Variants in TCP11L2 observed in about 807,000 individuals in gnomAD.
TCP11L2 encodes the protein T-complex protein 11-like protein 2.
In TCP11L2, 39 loss-of-function variants were observed where a neutral mutation model predicts 50.7. That is an observed-to-expected ratio of 0.77 (90% CI 0.60 to 1.01). The LOEUF (loss-of-function observed/expected upper bound fraction) is 1.01. TCP11L2 is among the 50% of genes least tolerant of loss of function. The pLI, the probability that TCP11L2 is intolerant of heterozygous loss-of-function variation, is 0.00. For synonymous variants in TCP11L2, 192 were observed against 219.3 expected (o/e 0.88, Z 1.10); for missense variants, 612 against 614.7 (o/e 1.00, Z 0.05).
chr12:106,320,329 C>T (rs762445485), intron 4 of TCP11L2, among the ~76,000 whole-genome samples: 17 of 151,588 alleles, frequency 1.1e-4, no homozygotes, highest in Admixed American at 2.6e-4. Context: ...ACCTGGGAGG[C>T]GGAGATTGCA....
intron 2 of TCP11L2, among the ~76,000 whole-genome samples, chr12:106,313,915 G>A (rs1197053695): frequency 1.1e-4 from 17 of 151,746 alleles, no homozygotes; most frequent in South Asian, 6.3e-4. Flanking sequence ...ACAGGTGCCC[G>A]CCACCATGCC....
At chr12:106,329,452 T>A in intron 6 of TCP11L2, 1 of 1,533,810 alleles carries the variant, frequency 6.5e-7, no homozygotes, top group South Asian at 1.2e-5. Flanking sequence ...AGCCAACGTT[T>A]CACTCTAAAC....
chr12:106,345,017 T>C (rs2036190186), intron 9 of TCP11L2, among the ~76,000 whole-genome samples: 1 of 152,100 alleles, frequency 6.6e-6, no homozygotes, highest in African/African-American at 2.4e-5. Context: ...TTAATTATGT[T>C]TGAGATGGAG....
At chr12:106,336,547 ATTTTTTTT>A (rs11449901) in intron 8 of TCP11L2, among the ~76,000 whole-genome samples, 2 of 102,164 alleles carry the variant, frequency 2.0e-5, no homozygotes, top group Non-Finnish European at 3.8e-5. Flanking sequence ...GAATTGCGCA[ATTTTTTTT>A]TTTTTTTTTT....
chr12:106,300,172 GTTT>G (rs758382704), upstream of TCP11L2, among the ~76,000 whole-genome samples: 401 of 143,806 alleles, frequency 2.8e-3, 2 homozygotes, highest in African/African-American at 9.7e-3. Context: ...AGATTTTGTT[GTTT>G]TTTTTTTTTC....
rs909974657 is a variant in TCP11L2 at position 106,346,491 on chromosome 12, A to G, written c.1521A>G (p.Glu507=). The change falls in exon 10 of 10, where the codon GAA becomes GAG. Residue 507 remains glutamate (E), a synonymous_variant. Coordinates refer to ENST00000299045, the MANE Select transcript of TCP11L2 (RefSeq NM_152772.3). ...TTCGAAAGCTGCTCTTCAATGAGGA[A>G]GCCATGGGGAAGGTAGATGCTTCAC... ...NILRKLLFNE[E]AMGKVDASPP... is the part of the protein sequence containing the mutation. 1.2e-5 allele frequency: 20 copies of G among 1,614,104 alleles called. No individual in the cohort carries two copies. Among genetic ancestry groups the G allele is most frequent in the Admixed American group, 6.7e-5 (4 of 60,016 alleles).
upstream of TCP11L2, among the ~76,000 whole-genome samples, chr12:106,298,542 G>C (rs2034376731): frequency 6.6e-6 from 1 of 151,934 alleles, no homozygotes; most frequent in Non-Finnish European, 1.5e-5. Flanking sequence ...TTTTTTTTGA[G>C]ACAAAGTCTC....
At chr12:106,328,504 T>C (rs1592962833) in intron 6 of TCP11L2, among the ~76,000 whole-genome samples, 1 of 152,082 alleles carries the variant, frequency 6.6e-6, no homozygotes, top group East Asian at 1.9e-4. Context: ...AGATTGCGCC[T>C]CTGCACTCCA....
At chr12:106,308,838 G>C (rs1390288194) in intron 1 of TCP11L2, among the ~76,000 whole-genome samples, 1 of 152,166 alleles carries the variant, frequency 6.6e-6, no homozygotes, top group Non-Finnish European at 1.5e-5. Flanking sequence ...TACCAAATGA[G>C]ATTCAGGGAT....
At chr12:106,312,410 A>C in intron 2 of TCP11L2, 1 of 1,229,552 alleles carries the variant, frequency 8.1e-7, no homozygotes, top group Non-Finnish European at 1.0e-6. Context: ...GACCTGGCAA[A>C]AGAAATTAAC....
At chr12:106,339,314 A>G (rs965771830) in intron 8 of TCP11L2, among the ~76,000 whole-genome samples, 2 of 152,212 alleles carry the variant, frequency 1.3e-5, no homozygotes, top group African/African-American at 2.4e-5. Context: ...TCCTTTGCCC[A>G]TTTTTTAATG....
intron 6 of TCP11L2, among the ~76,000 whole-genome samples, chr12:106,328,110 T>A (rs569118126): frequency 2.0e-5 from 3 of 152,276 alleles, no homozygotes; most frequent in Non-Finnish European, 4.4e-5. Flanking sequence ...GACATAAATA[T>A]CACTTTCAGA....
At chr12:106,319,404 T>G (rs930361103) in intron 4 of TCP11L2, among the ~76,000 whole-genome samples, 1 of 152,228 alleles carries the variant, frequency 6.6e-6, no homozygotes, top group African/African-American at 2.4e-5. Flanking sequence ...TTTTATGTTC[T>G]TTAGTATTGG....
chr12:106,345,795 T>C (rs144631025), intron 9 of TCP11L2, among the ~76,000 whole-genome samples: 3 of 152,320 alleles, frequency 2.0e-5, no homozygotes, highest in Admixed American at 6.5e-5. Flanking sequence ...ACTAATGTAT[T>C]TGTGGTTCAG....
intron 6 of TCP11L2, chr12:106,330,189 T>C: frequency 1.0e-6 from 1 of 985,438 alleles, no homozygotes; most frequent in Non-Finnish European, 1.2e-6. Flanking sequence ...AGTAGAGAAT[T>C]ACTGCCTCCA....
chr12:106,336,932 A>G (rs1017680093), intron 8 of TCP11L2, among the ~76,000 whole-genome samples: 4 of 152,216 alleles, frequency 2.6e-5, no homozygotes, highest in East Asian at 3.8e-4. Context: ...AGTGCTGACA[A>G]TTCTGCCCTT....
chr12:106,343,885 C>G (rs2036160628), intron 9 of TCP11L2, among the ~76,000 whole-genome samples: 2 of 151,876 alleles, frequency 1.3e-5, no homozygotes, highest in African/African-American at 4.8e-5. Flanking sequence ...TCTCAAACTC[C>G]TGACCTCGTG....
chr12:106,338,869 G>A (rs768403910), intron 8 of TCP11L2, among the ~76,000 whole-genome samples: 17 of 152,140 alleles, frequency 1.1e-4, no homozygotes, highest in Non-Finnish European at 2.2e-4. Flanking sequence ...GGCTGGGCAC[G>A]GTGGCTCACA....
chr12:106,311,324 G>T, intron 2 of TCP11L2, 92 bp downstream of exon 2: 1 of 1,419,328 alleles, frequency 7.0e-7, no homozygotes, highest in South Asian at 1.3e-5. Context: ...GAGAGCAACA[G>T]ACTTCCCCTC....
Sources: gnomAD v4.1 joint callset for allele counts (sites outside exome capture counted in the v4.1 genomes callset) on GRCh38, gnomAD v4.1.1 for gene constraint, MANE v1.5 for transcripts, NCBI Gene and HGNC (gene_info 2026-07-23, HGNC 2026-07-21) for gene names.